SDK1: variants seen among roughly 807,000 people sequenced by gnomAD.
The protein encoded by SDK1 is protein sidekick-1.
Under a neutral mutation model 245.5 loss-of-function variants are expected in SDK1, and 157 were observed. The observed-to-expected ratio is 0.64, with a 90% confidence interval of 0.56 to 0.73. SDK1 has a LOEUF of 0.73. Among genes scored for constraint, SDK1 ranks in the 30% least tolerant of loss-of-function variants. SDK1 has a pLI of 0.00. For missense variants in SDK1, 3,583 were observed against 3,002.3 expected (o/e 1.19, Z -4.52); for synonymous variants, 1,647 against 1,278.5 (o/e 1.29, Z -6.15).
intron 5 of SDK1, among the ~76,000 whole-genome samples, chr7:3,881,417 T>C (rs984176462): frequency 6.6e-6 from 1 of 152,240 alleles, no homozygotes; most frequent in Admixed American, 6.5e-5. Context: ...TCTGCGTCCC[T>C]GCAAACGACA....
At chr7:3,897,579 A>G (rs1781645093) in intron 5 of SDK1, among the ~76,000 whole-genome samples, 1 of 152,142 alleles carries the variant, frequency 6.6e-6, no homozygotes, top group Non-Finnish European at 1.5e-5. Context: ...TATAGACCAT[A>G]TTATGTCTTT....
intron 30 of SDK1, among the ~76,000 whole-genome samples, chr7:4,149,984 C>A (rs1290743652): frequency 6.6e-6 from 1 of 152,178 alleles, no homozygotes; most frequent in Non-Finnish European, 1.5e-5. Flanking sequence ...AGAATCCGTC[C>A]ACTCACTCAG....
At chr7:3,692,254 A>G (rs1289627140) in intron 4 of SDK1, among the ~76,000 whole-genome samples, 1 of 152,184 alleles carries the variant, frequency 6.6e-6, no homozygotes, top group African/African-American at 2.4e-5. Flanking sequence ...AAAAAATAGG[A>G]ATAAATCAGG....
chr7:3,438,849 A>T (rs865808153), intron 1 of SDK1, among the ~76,000 whole-genome samples: 2,483 of 131,128 alleles, frequency 0.019, 94 homozygotes, highest in African/African-American at 0.066. Flanking sequence ...TTGTATTAAT[A>T]TTTTTTTTTT....
At chr7:3,617,961 G>T (rs779677163) in intron 1 of SDK1, among the ~76,000 whole-genome samples, 3 of 152,162 alleles carry the variant, frequency 2.0e-5, no homozygotes, top group Non-Finnish European at 4.4e-5. Context: ...GAGCAGAGAG[G>T]GGAGGAGGCC....
chr7:3,732,011 C>T lies in SDK1; in HGVS notation c.714-89439C>T, dbSNP rs551765360. On this transcript the variant is annotated intron_variant, in intron 4 of 44. Transcript: ENST00000404826. ...TTCACCGTGTTGGTCAGGGTGGTCT[C>T]GATCTCCTGACCTCGTGATCCACCC... 1.2e-3 allele frequency among the ~76,000 whole-genome samples: 187 copies of T among 152,258 alleles called. 1 individual carries two copies. The highest frequency in any genetic ancestry group is 3.7e-3 in the African/African-American group (153 of 41,552).
intron 35 of SDK1, among the ~76,000 whole-genome samples, chr7:4,192,574 C>T (rs1226074064): frequency 6.6e-6 from 1 of 152,164 alleles, no homozygotes; most frequent in East Asian, 1.9e-4. Flanking sequence ...CGTGCCCAGC[C>T]AGTAAAGTAT....
chr7:3,487,994 C>G (rs900925524), intron 1 of SDK1, among the ~76,000 whole-genome samples: 4 of 152,072 alleles, frequency 2.6e-5, no homozygotes, highest in African/African-American at 9.7e-5. Context: ...TTGCTTACTC[C>G]TACTTTTGCA....
chr7:3,387,456 C>A (rs1382991586), intron 1 of SDK1, among the ~76,000 whole-genome samples: 1 of 152,196 alleles, frequency 6.6e-6, no homozygotes, highest in Admixed American at 6.5e-5. Flanking sequence ...CAGCAAGGAT[C>A]AGATCCTTCT....
chr7:4,041,123 A>T (rs1418255293), intron 17 of SDK1, among the ~76,000 whole-genome samples: 1 of 152,144 alleles, frequency 6.6e-6, no homozygotes, highest in Non-Finnish European at 1.5e-5. Flanking sequence ...CACAGATGAG[A>T]AACAACCTGC....
intron 5 of SDK1, among the ~76,000 whole-genome samples, chr7:3,887,388 C>T (rs774815515): frequency 2.0e-5 from 3 of 152,268 alleles, no homozygotes; most frequent in Middle Eastern, 3.4e-3. Flanking sequence ...CTCGAACAGG[C>T]AGGGGAGGAA....
intron 1 of SDK1, among the ~76,000 whole-genome samples, chr7:3,352,540 C>T (rs1465332285): frequency 6.6e-6 from 1 of 152,058 alleles, no homozygotes; most frequent in Non-Finnish European, 1.5e-5. Context: ...CCAGCTGTGC[C>T]TGTAGTTACG....
In SDK1 at chr7:4,245,797, G is replaced by C. The variant is rs767594216; in HGVS notation, c.6373G>C (p.Glu2125Gln). The C allele has an allele frequency of 1.2e-6, 2 of 1,613,912 alleles. No individual in the cohort carries two copies. Among genetic ancestry groups the C allele is most frequent in the Admixed American group, 1.7e-5 (1 of 60,010 alleles). ...SLKEKSADAS[E>Q]SEATDSDYED... ...CAAGGAGAAGTCGGCAGATGCATCA[G>C]AATCTGAGGTCAGTGTCGGTGCCTA... is the stretch of plus-strand genomic sequence containing the variant. Residue 2125 changes from glutamate to glutamine, a missense_variant, in exon 44 of 45, where the codon GAA becomes CAA. Glu to Gln is a conservative substitution (Grantham distance 29). Coordinates refer to ENST00000404826, the MANE Select transcript of SDK1 (RefSeq NM_152744.4).
At chr7:3,661,364 G>T (rs951074877) in intron 4 of SDK1, among the ~76,000 whole-genome samples, 4 of 152,182 alleles carry the variant, frequency 2.6e-5, no homozygotes, top group Non-Finnish European at 5.9e-5. Flanking sequence ...AACAGTACTT[G>T]TGCTAATTAA....
intron 35 of SDK1, among the ~76,000 whole-genome samples, chr7:4,191,185 A>C (rs531653805): frequency 1.7e-4 from 25 of 148,666 alleles, no homozygotes; most frequent in Middle Eastern, 6.8e-3. Context: ...GGGTGTCCTC[A>C]TGGCCCCCAG....
At position 3,969,307 on chromosome 7, in the gene SDK1, C is replaced by T. The variant is rs973538297; in HGVS notation, c.1597C>T (p.Leu533Phe). The stretch of plus-strand genomic sequence containing the variant: ...TGTCCGGATTCCTAGGTTCATGCTT[C>T]TTGAATCGGGGGGTCTACAGATCGC... The part of the protein sequence containing the change: ...GSVRIPRFML[L>F]ESGGLQIAPV... Residue 533 changes from leucine (L) to phenylalanine (F), a missense_variant, in exon 11 of 45, where the codon CTT (leucine) becomes TTT (phenylalanine). Transcript: ENST00000404826. 1.2e-6 allele frequency: 2 copies of T among 1,611,186 alleles called. No homozygotes were observed. The highest frequency in any genetic ancestry group is 8.5e-7 in the Non-Finnish European group (1 of 1,178,812).
At chr7:4,000,357 G>C (rs1272199848) in intron 14 of SDK1, among the ~76,000 whole-genome samples, 1 of 152,206 alleles carries the variant, frequency 6.6e-6, no homozygotes, top group African/African-American at 2.4e-5. Flanking sequence ...CTCCGCCTCT[G>C]CTTTCTGAAG....
chr7:3,743,582 A>G (rs1779535894), intron 4 of SDK1, among the ~76,000 whole-genome samples: 1 of 152,232 alleles, frequency 6.6e-6, no homozygotes. Context: ...GGGATACAGA[A>G]TACCCTAGTA....
At chr7:4,238,236 C>T (rs144122792) in intron 42 of SDK1, among the ~76,000 whole-genome samples, 2,949 of 152,104 alleles carry the variant, frequency 0.019, 68 homozygotes, top group South Asian at 0.12. Flanking sequence ...CCTGCCACTA[C>T]GCCCGGCTAA....
Sources: allele counts gnomAD v4.1 joint callset (sites outside exome capture counted in the v4.1 genomes callset), GRCh38; gene constraint gnomAD v4.1.1; transcripts MANE v1.5; gene names NCBI Gene and HGNC (gene_info 2026-07-23, HGNC 2026-07-21).